The following PAH variants were observed in gnomAD, a reference collection of about 807,000 sequenced individuals.
PAH encodes phenylalanine-4-hydroxylase.
In PAH, 64 loss-of-function variants were observed where a neutral mutation model predicts 62.0. The observed-to-expected ratio is 1.03, with a 90% CI of 0.84 to 1.27. The LOEUF (loss-of-function observed/expected upper bound fraction) is 1.27, where lower values mean the gene tolerates loss of function less well. Among genes scored for constraint, PAH ranks in the 50% most tolerant of loss-of-function variants. The probability of loss-of-function intolerance (pLI) is 0.00; values close to 1 mark genes in which losing one functional copy is unlikely to be tolerated. For missense variants in PAH, 579 were observed against 542.8 expected (o/e 1.07, Z -0.66); for synonymous variants, 195 against 196.2 (o/e 0.99, Z 0.05).
chr12:102,954,979 G>T (rs1207774741), upstream of PAH, among the ~76,000 whole-genome samples: 1 of 152,138 alleles, frequency 6.6e-6, no homozygotes, highest in Non-Finnish European at 1.5e-5. Context: ...ATGTAAGGAA[G>T]AAAACTTAGC....
intron 1 of PAH, among the ~76,000 whole-genome samples, chr12:102,938,987 C>T (rs1879199086): frequency 6.6e-6 from 1 of 151,838 alleles, no homozygotes; most frequent in African/African-American, 2.4e-5. Context: ...CATATCAACT[C>T]TTTCTGCTCT....
chr12:102,949,674 G>A (rs1032552014), intron 1 of PAH, among the ~76,000 whole-genome samples: 2 of 152,138 alleles, frequency 1.3e-5, no homozygotes, highest in East Asian at 3.9e-4. Flanking sequence ...GAAGCTTAGG[G>A]GTGACCATCT....
Position 102,957,260 on chromosome 12 carries a change from C to T in PAH, c.-96+935G>A, listed in dbSNP as rs1301774239. On this transcript the variant is annotated intron_variant, in intron 1 of 4. Coordinates refer to the PAH transcript ENST00000551337. This position sits in a 1 kb window ranked among gnomAD's most constrained non-coding sequence, Gnocchi z 4.1. ...CTTTGCTTCAAGTTCTTAGTAGAAT[C>T]CAAGAGAGCTTCACCCCAAGTCTTT... Among the ~76,000 whole-genome samples the T allele has an allele frequency of 1.3e-5, 2 of 152,158 alleles. No homozygotes were observed. Among genetic ancestry groups the T allele is most frequent in the African/African-American group, 4.8e-5 (2 of 41,426 alleles).
intron 1 of PAH, among the ~76,000 whole-genome samples, chr12:102,926,176 A>C (rs1454604177): frequency 1.3e-5 from 2 of 152,140 alleles, no homozygotes; most frequent in African/African-American, 2.4e-5. Context: ...TACAGTGACC[A>C]AGAAGACACT....
At chr12:102,958,226 T>C (rs1002384218) in exon 1 of PAH, 3 of 1,459,578 alleles carry the variant, frequency 2.1e-6, no homozygotes, top group Non-Finnish European at 1.8e-6. Context: ...ATTCCGCGAC[T>C]CCTTGGCCGC....
chr12:102,934,625 T>C (rs1879032358), intron 1 of PAH, among the ~76,000 whole-genome samples: 1 of 152,108 alleles, frequency 6.6e-6, no homozygotes, highest in Non-Finnish European at 1.5e-5. Context: ...GTTTTCATTG[T>C]AGAGACCTTT....
chr12:102,917,313 A>G (rs189522790), upstream of PAH: 2 of 647,848 alleles, frequency 3.1e-6, no homozygotes, highest in African/African-American at 1.8e-5. Context: ...GTCCTGACGC[A>G]GGAGGCCAGG....
intron 2 of PAH, among the ~76,000 whole-genome samples, chr12:102,897,489 AT>A (rs1877561236): frequency 7.1e-6 from 1 of 140,396 alleles, no homozygotes; most frequent in African/African-American, 3.0e-5. Flanking sequence ...ATATATATAT[AT>A]ATAATTCAAA....
At chr12:102,926,749 CAAG>C (rs1878694019) in intron 1 of PAH, among the ~76,000 whole-genome samples, 1 of 151,928 alleles carries the variant, frequency 6.6e-6, no homozygotes, top group South Asian at 2.1e-4. Flanking sequence ...ATAAATACTC[CAAG>C]AAGATTACTT....
chr12:102,930,466 C>T (rs895339360), intron 1 of PAH, among the ~76,000 whole-genome samples: 3 of 152,178 alleles, frequency 2.0e-5, no homozygotes, highest in African/African-American at 2.4e-5. Flanking sequence ...TCATGCTTCT[C>T]CTCATGGCCA....
At chr12:102,924,673 C>A (rs1878640124) in intron 1 of PAH, among the ~76,000 whole-genome samples, 1 of 152,082 alleles carries the variant, frequency 6.6e-6, no homozygotes. Flanking sequence ...AAAGATAATG[C>A]CTATCTTTGA....
At chr12:102,935,676 G>T (rs1053604941) in intron 1 of PAH, among the ~76,000 whole-genome samples, 2 of 145,728 alleles carry the variant, frequency 1.4e-5, no homozygotes, top group Admixed American at 1.4e-4. Flanking sequence ...CAATTTAGTG[G>T]TGTACAGTTG....
chr12:102,892,404 A>G (rs962996378), intron 3 of PAH, among the ~76,000 whole-genome samples: 2 of 152,242 alleles, frequency 1.3e-5, no homozygotes, highest in Non-Finnish European at 2.9e-5. Flanking sequence ...AATTTTTTAA[A>G]GAAGTTAACC....
intron 1 of PAH, among the ~76,000 whole-genome samples, chr12:102,945,427 C>T (rs1264943817): frequency 6.6e-6 from 1 of 152,216 alleles, no homozygotes. Context: ...TCTTCAACAT[C>T]CAGGTGCCAG....
intron 4 of PAH, among the ~76,000 whole-genome samples, chr12:102,867,870 T>G (rs144815299): frequency 4.1e-4 from 57 of 139,732 alleles, no homozygotes; most frequent in African/African-American, 1.3e-3. Flanking sequence ...CATATATAGA[T>G]GTATATATAC....
chr12:102,881,600 G>C (rs190328223), intron 3 of PAH, among the ~76,000 whole-genome samples: 88 of 152,130 alleles, frequency 5.8e-4, no homozygotes, highest in Admixed American at 2.0e-3. Context: ...TTGTACCCTT[G>C]ACCATCTCCC....
At chr12:102,943,707 T>C (rs1789538332) in intron 1 of PAH, among the ~76,000 whole-genome samples, 1 of 152,156 alleles carries the variant, frequency 6.6e-6, no homozygotes, top group South Asian at 2.1e-4. Flanking sequence ...GTACGACATA[T>C]ACACCATGGA....
chr12:102,848,059 G>A (rs927419441), intron 8 of PAH, among the ~76,000 whole-genome samples: 3 of 152,208 alleles, frequency 2.0e-5, no homozygotes, highest in Non-Finnish European at 4.4e-5. Flanking sequence ...AGTGAAACAG[G>A]AGCCATTGCA....
chr12:102,857,475 C>A (rs1003343692), intron 5 of PAH, among the ~76,000 whole-genome samples: 11 of 152,098 alleles, frequency 7.2e-5, no homozygotes, highest in African/African-American at 2.4e-4. Context: ...ACAGAGAATG[C>A]CACAAAGATA....
Sources: gnomAD v4.1 joint callset for allele counts (sites outside exome capture counted in the v4.1 genomes callset) on GRCh38, gnomAD v4.1.1 for gene constraint, Gnocchi (gnomAD v3.1) non-coding constraint, MANE v1.5 for transcripts, NCBI Gene and HGNC (gene_info 2026-07-23, HGNC 2026-07-21) for gene names.